The following PSMF1 variants were observed in gnomAD, a reference collection of about 807,000 sequenced individuals.
PSMF1 encodes the protein proteasome inhibitor subunit 1, also known as proteasome inhibitor PI31 subunit.
PSMF1 carries 30 observed loss-of-function variants against 29.3 expected under a neutral mutation model. That is an observed-to-expected ratio of 1.02 (90% CI 0.77 to 1.39). The LOEUF is 1.39. Among genes scored for constraint, PSMF1 ranks in the 40% most tolerant of loss-of-function variants. PSMF1 has a pLI of 0.00. For missense variants in PSMF1, 344 were observed against 357.5 expected, an observed-to-expected ratio of 0.96 and a Z score of 0.31; for synonymous variants, 134 against 139.7, an observed-to-expected ratio of 0.96 and a Z score of 0.29.
At chr20:1,113,724 G>A (rs948235751), upstream of PSMF1, among the ~76,000 whole-genome samples, 7 of 151,574 alleles carry the variant, frequency 4.6e-5, no homozygotes, top group Admixed American at 6.6e-5. Flanking sequence ...ACGGCGTCTC[G>A]CTCTGTCGCC....
chr20:1,165,634 C>T lies in PSMF1; in HGVS notation c.*554C>T, dbSNP rs1438760010. ...TTAATTGCCATTGCTCCTGACATCA[C>T]TAAGATGGGTCCCCTTCTGGCTGCA... On this transcript the variant is annotated 3_prime_UTR_variant, in exon 7 of 7. Transcript: ENST00000335877. 1 of 996,994 alleles carries T rather than the reference C, an allele frequency of 1.0e-6. No homozygotes were observed. Among genetic ancestry groups the T allele is most frequent in the East Asian group, 1.1e-4 (1 of 9,416 alleles). The allele number at this position is 996,994 out of a possible 1,614,324, so 61.8% of individuals were successfully genotyped here.
intron 4 of PSMF1, among the ~76,000 whole-genome samples, chr20:1,157,099 A>G (rs571222280): frequency 1.3e-5 from 2 of 152,314 alleles, no homozygotes; most frequent in African/African-American, 4.8e-5. Context: ...AGCATGCAAC[A>G]CAGGAGAAAG....
At chr20:1,148,632 C>T (rs2086486792) in intron 4 of PSMF1, among the ~76,000 whole-genome samples, 1 of 152,148 alleles carries the variant, frequency 6.6e-6, no homozygotes, top group South Asian at 2.1e-4. Context: ...AAGTGCCAAA[C>T]ATAACTCTTT....
At chr20:1,114,058 A>C (rs965638952), upstream of PSMF1, among the ~76,000 whole-genome samples, 1 of 152,296 alleles carries the variant, frequency 6.6e-6, no homozygotes, top group South Asian at 2.1e-4. Flanking sequence ...AGCAGATCGC[A>C]CTACAACACC....
upstream of PSMF1, chr20:1,118,240 G>A (rs1266827353): frequency 6.5e-6 from 1 of 152,680 alleles, no homozygotes; most frequent in Non-Finnish European, 1.5e-5. Flanking sequence ...CAACTGCATA[G>A]AGTTGGGTTG....
intron 4 of PSMF1, among the ~76,000 whole-genome samples, chr20:1,154,173 T>C (rs1347703463): frequency 6.6e-6 from 1 of 152,240 alleles, no homozygotes; most frequent in Non-Finnish European, 1.5e-5. Flanking sequence ...AAAACATGCT[T>C]ATGAAAGAAG....
intron 4 of PSMF1, among the ~76,000 whole-genome samples, chr20:1,137,616 C>T (rs913871299): frequency 9.8e-5 from 5 of 51,098 alleles, no homozygotes; most frequent in Admixed American, 2.8e-4. Flanking sequence ...ATAAATTAAT[C>T]GCATGGGGAG....
chr20:1,131,460 C>T (rs1342690961), intron 3 of PSMF1, among the ~76,000 whole-genome samples: 1 of 152,166 alleles, frequency 6.6e-6, no homozygotes, highest in African/African-American at 2.4e-5. Flanking sequence ...ACATAGAGTG[C>T]TTAGCGCTTA....
At chr20:1,115,665 G>A (rs142273096), upstream of PSMF1, among the ~76,000 whole-genome samples, 1 of 152,048 alleles carries the variant, frequency 6.6e-6, no homozygotes, top group East Asian at 1.9e-4. Flanking sequence ...ATCCCACAGA[G>A]CTAGCTGCAT....
rs1259958410 is a variant in PSMF1 at position 1,164,447 on chromosome 20, C to T, written c.735C>T (p.Pro245=). The change falls in exon 6 of 7, where the codon CCC becomes CCT. Residue 245 remains proline, a synonymous_variant. Transcript: ENST00000335877. The surrounding 1 kb of genome is among the most constrained non-coding windows in gnomAD (Gnocchi z 4.1). ...TGCCCCCAGGAGCTCGCTTTGACCC[C>T]TTTGGACCCATTGGGACCAGCCCAC... The part of the protein sequence containing the change: ...GAVPPGARFD[P]FGPIGTSPPG... 3 of 1,614,170 alleles carry T rather than the reference C, an allele frequency of 1.9e-6. No individual in the cohort carries two copies. The Admixed American group carries it at 5.0e-5, about 27-fold the overall frequency.
chr20:1,122,295 C>CTTTTT (rs144183769), intron 1 of PSMF1, among the ~76,000 whole-genome samples: 6 of 131,624 alleles, frequency 4.6e-5, no homozygotes, highest in East Asian at 4.4e-4. Flanking sequence ...TTTTTCTTTT[C>CTTTTT]TTTTTTTTTT....
chr20:1,116,074 G>A (rs1031235547), upstream of PSMF1, among the ~76,000 whole-genome samples: 1 of 150,030 alleles, frequency 6.7e-6, no homozygotes, highest in Non-Finnish European at 1.5e-5. Flanking sequence ...GAGCTCTATA[G>A]GGACAGGAAC....
intron 3 of PSMF1, 28 bp from the exon 4 acceptor site, chr20:1,135,093 C>T (rs779108925): frequency 1.2e-6 from 2 of 1,612,888 alleles, no homozygotes; most frequent in Non-Finnish European, 1.7e-6. Flanking sequence ...CAACTGCAAG[C>T]AGTTGACTCT....
chr20:1,118,656 A>C lies in PSMF1; in HGVS notation c.-118A>C. ...GTCTCCATTTTGGTCTCAGGTGTGG[A>C]CTCGGCAAGAACCAGCGCAAGAGGG... On this transcript the variant is annotated 5_prime_UTR_variant, in exon 1 of 7. Transcript: ENST00000335877. The C allele has an allele frequency of 1.5e-6, 2 of 1,294,094 alleles. No individual in the cohort carries two copies. Among genetic ancestry groups the C allele is most frequent in the Non-Finnish European group, 2.1e-6 (2 of 962,000 alleles). The allele number at this position is 1,294,094 out of a possible 1,614,324, so 80.2% of individuals were successfully genotyped here. A position where few individuals can be genotyped will look rare whatever the true frequency, so the allele number is the denominator to read the frequency against.
chr20:1,161,160 G>A (rs913138458), intron 4 of PSMF1: 2 of 349,252 alleles, frequency 5.7e-6, no homozygotes, highest in Admixed American at 3.5e-5. Context: ...CACAGAGTAC[G>A]ACTACAGCTT....
At chr20:1,160,767 C>T (rs1350160011) in intron 4 of PSMF1, 2 of 424,630 alleles carry the variant, frequency 4.7e-6, no homozygotes, top group East Asian at 1.3e-4. Flanking sequence ...CCAGAGCAAG[C>T]ACGGCATCCT....
chr20:1,113,508 C>T, intron 1 of PSMF1: 1 of 137,942 alleles, frequency 7.2e-6, no homozygotes, highest in Non-Finnish European at 1.6e-5. Flanking sequence ...CCCAGGAGTT[C>T]CTCCCATTTG....
chr20:1,124,813 A>T (rs1380499407), intron 1 of PSMF1, among the ~76,000 whole-genome samples: 5 of 152,246 alleles, frequency 3.3e-5, no homozygotes, highest in African/African-American at 4.8e-5. Context: ...ATTCAAAAAC[A>T]TTTGAAGCTA....
chr20:1,141,606 C>A (rs73890703), intron 4 of PSMF1, among the ~76,000 whole-genome samples: 1 of 152,024 alleles, frequency 6.6e-6, no homozygotes, highest in African/African-American at 2.4e-5. Context: ...ATGCCTTCCC[C>A]CTAAGGAAGA....
Sources: gnomAD v4.1 joint callset for allele counts (sites outside exome capture counted in the v4.1 genomes callset) on GRCh38, gnomAD v4.1.1 for gene constraint, Gnocchi (gnomAD v3.1) non-coding constraint, MANE v1.5 for transcripts, NCBI Gene and HGNC (gene_info 2026-07-23, HGNC 2026-07-21) for gene names.